RORA: variants seen among roughly 807,000 people sequenced by gnomAD.
RORA encodes RAR related orphan receptor A.
In RORA, 7 loss-of-function variants were observed where a neutral mutation model predicts 69.5. The ratio of observed to expected loss-of-function variants is 0.10; its 90% CI spans 0.06 to 0.19. The LOEUF is 0.19. Ranked by LOEUF, RORA falls within the 10% of genes least tolerant of loss-of-function variation. RORA has a pLI of 1.00. For missense variants in RORA, 457 were observed against 663.0 expected (o/e 0.69, Z 3.41); for synonymous variants, 261 against 240.8 (o/e 1.08, Z -0.78).
At chr15:60,664,799 C>T (rs1425291528) in intron 2 of RORA, among the ~76,000 whole-genome samples, 1 of 152,218 alleles carries the variant, frequency 6.6e-6, no homozygotes, top group East Asian at 1.9e-4. Context: ...TATTGGGTCA[C>T]ATCTCATCCT....
chr15:60,938,860 A>G (rs1360511746), intron 1 of RORA, among the ~76,000 whole-genome samples: 1 of 152,188 alleles, frequency 6.6e-6, no homozygotes. Context: ...GCTACTGAAA[A>G]AACTGGAGAT....
At chr15:61,008,969 C>A (rs62005615) in intron 1 of RORA, among the ~76,000 whole-genome samples, 9,142 of 152,182 alleles carry the variant, frequency 0.06, 356 homozygotes, top group Non-Finnish European at 0.085. Context: ...CAGCCACTTA[C>A]CACCTCTGAT....
intron 1 of RORA, among the ~76,000 whole-genome samples, chr15:61,202,296 C>T (rs1363765051): frequency 6.6e-6 from 1 of 152,180 alleles, no homozygotes. Flanking sequence ...AGGCATGAGA[C>T]ACTGCTCCCG....
At chr15:60,620,292 A>G (rs139225742) in intron 2 of RORA, among the ~76,000 whole-genome samples, 2 of 152,342 alleles carry the variant, frequency 1.3e-5, no homozygotes, top group Non-Finnish European at 2.9e-5. Flanking sequence ...TATTAGCTCA[A>G]ATAAGGACAG....
At chr15:60,608,345 G>A (rs1486042164) in intron 2 of RORA, among the ~76,000 whole-genome samples, 1 of 152,140 alleles carries the variant, frequency 6.6e-6, no homozygotes, top group Non-Finnish European at 1.5e-5. Context: ...TTATCATTAT[G>A]TTGTTGTTAA....
At chr15:61,107,773 G>C (rs74526157) in intron 1 of RORA, among the ~76,000 whole-genome samples, 5,965 of 151,818 alleles carry the variant, frequency 0.039, 172 homozygotes, top group Middle Eastern at 0.092. Flanking sequence ...TCTTTCAGAT[G>C]GTTTCCTCTC....
At chr15:60,546,227 C>T (rs1436540432) in intron 2 of RORA, 1 of 152,170 alleles carries the variant, frequency 6.6e-6, no homozygotes, top group Admixed American at 6.5e-5. Context: ...GGCCAACTAA[C>T]AGATTTCCTA....
At chr15:61,035,092 C>G (rs1011572236) in intron 1 of RORA, among the ~76,000 whole-genome samples, 9 of 152,148 alleles carry the variant, frequency 5.9e-5, no homozygotes, top group African/African-American at 2.2e-4. Flanking sequence ...TATCTTTGTA[C>G]AGTAATTGGG....
chr15:60,849,400 A>T (rs1359185070), intron 1 of RORA, among the ~76,000 whole-genome samples: 1 of 152,230 alleles, frequency 6.6e-6, no homozygotes, highest in Non-Finnish European at 1.5e-5. Context: ...AGTACACCCC[A>T]AATATTAATA....
At chr15:61,081,874 T>C (rs1057087212) in intron 1 of RORA, among the ~76,000 whole-genome samples, 2 of 151,242 alleles carry the variant, frequency 1.3e-5, no homozygotes, top group African/African-American at 4.9e-5. Context: ...AGACACCTAG[T>C]TGATTATTCG....
intron 1 of RORA, among the ~76,000 whole-genome samples, chr15:61,149,462 T>A (rs1567012005): frequency 8.9e-6 from 1 of 112,364 alleles, no homozygotes; most frequent in Non-Finnish European, 2.3e-5. Context: ...ACTTCAGCGG[T>A]TAAGAAGACA....
intron 2 of RORA, chr15:60,676,977 G>A (rs2070563479): frequency 3.0e-6 from 1 of 328,878 alleles, no homozygotes; most frequent in South Asian, 2.4e-5. Context: ...TGAAGTAGTG[G>A]TTTTGTTCAC....
At chr15:60,713,415 G>C (rs992664058) in intron 1 of RORA, among the ~76,000 whole-genome samples, 3 of 152,068 alleles carry the variant, frequency 2.0e-5, no homozygotes, top group African/African-American at 7.2e-5. Context: ...TAAAATTCTT[G>C]GTTCCTACTG....
intron 1 of RORA, among the ~76,000 whole-genome samples, chr15:61,116,777 TC>T (rs2140801774): frequency 6.6e-6 from 1 of 152,226 alleles, no homozygotes; most frequent in East Asian, 1.9e-4. Context: ...TTTTCTTTTT[TC>T]TGAGCCTCAG....
intron 1 of RORA, among the ~76,000 whole-genome samples, chr15:60,747,518 A>G (rs186225862): frequency 9.2e-5 from 14 of 152,340 alleles, no homozygotes; most frequent in African/African-American, 3.4e-4. Context: ...TTTTATACAG[A>G]AAGAAAAATT....
chr15:60,501,546 C>A (rs1338852262), intron 8 of RORA, among the ~76,000 whole-genome samples: 1 of 152,120 alleles, frequency 6.6e-6, no homozygotes, highest in African/African-American at 2.4e-5. Context: ...TAAGAAGAAG[C>A]AAAGCTAGGC....
chr15:61,223,944 A>T (rs1192315713), intron 1 of RORA, among the ~76,000 whole-genome samples: 1 of 151,906 alleles, frequency 6.6e-6, no homozygotes. Flanking sequence ...CAGCCTAAAA[A>T]GATGGGTGAA....
At chr15:60,940,390 G>C (rs771013818) in intron 1 of RORA, among the ~76,000 whole-genome samples, 1 of 152,152 alleles carries the variant, frequency 6.6e-6, no homozygotes, top group Non-Finnish European at 1.5e-5. Flanking sequence ...CTAGGTGAAA[G>C]ATGTTGAACA....
intron 1 of RORA, among the ~76,000 whole-genome samples, chr15:60,998,992 G>C (rs527859006): frequency 6.6e-6 from 1 of 152,246 alleles, no homozygotes; most frequent in Non-Finnish European, 1.5e-5. Flanking sequence ...TGGAGTGGTT[G>C]CCAGGGGGAG....
Sources: allele counts gnomAD v4.1 joint callset (sites outside exome capture counted in the v4.1 genomes callset), GRCh38; gene constraint gnomAD v4.1.1; transcripts MANE v1.5; gene names NCBI Gene and HGNC (gene_info 2026-07-23, HGNC 2026-07-21).